Variants in FOCAD observed in about 807,000 individuals in gnomAD.
FOCAD encodes the protein focadhesin, also known as KIAA1797.
Under a neutral mutation model 225.6 loss-of-function variants are expected in FOCAD, and 198 were observed. The ratio of observed to expected loss-of-function variants is 0.88; its 90% CI spans 0.78 to 0.99. The LOEUF is 0.99. Among genes scored for constraint, FOCAD ranks in the 50% least tolerant of loss-of-function variants. The pLI, the probability that FOCAD is intolerant of heterozygous loss-of-function variation, is 0.00. For missense variants in FOCAD, 2,713 were observed against 2,123.6 expected, an observed-to-expected ratio of 1.28 and a Z score of -5.46; for synonymous variants, 897 against 755.0, an observed-to-expected ratio of 1.19 and a Z score of -3.08.
chr9:20,692,606 C>A (rs776085183), intron 1 of FOCAD, among the ~76,000 whole-genome samples: 6 of 152,192 alleles, frequency 3.9e-5, no homozygotes, highest in Non-Finnish European at 7.3e-5. Flanking sequence ...CGTGCTCACT[C>A]ATGTAGTGAT....
intron 1 of FOCAD, among the ~76,000 whole-genome samples, chr9:20,689,275 T>C (rs1010821740): frequency 6.6e-6 from 1 of 151,952 alleles, no homozygotes; most frequent in African/African-American, 2.4e-5. Context: ...TCAGGAACAA[T>C]GAGACTGGTG....
chr9:20,719,020 C>G (rs1825565934), intron 3 of FOCAD, among the ~76,000 whole-genome samples: 1 of 151,986 alleles, frequency 6.6e-6, no homozygotes, highest in Admixed American at 6.6e-5. Flanking sequence ...TAGTGGGATG[C>G]TAAGATAGAA....
intron 35 of FOCAD, among the ~76,000 whole-genome samples, chr9:20,953,296 G>T (rs2132394565): frequency 6.6e-6 from 1 of 152,296 alleles, no homozygotes; most frequent in African/African-American, 2.4e-5. Flanking sequence ...CCGACCATGG[G>T]TGGCTCTGTG....
intron 11 of FOCAD, among the ~76,000 whole-genome samples, chr9:20,812,143 A>T (rs964277210): frequency 6.6e-6 from 1 of 152,094 alleles, no homozygotes; most frequent in African/African-American, 2.4e-5. Context: ...CTAGTTTTAT[A>T]AAACATGACT....
chr9:20,949,756 G>A (rs1587700075), intron 33 of FOCAD, 81 bp downstream of exon 33: 1 of 1,180,770 alleles, frequency 8.5e-7, no homozygotes, highest in East Asian at 2.3e-5. Flanking sequence ...GATACAACAT[G>A]TTTTACCTGG....
intron 11 of FOCAD, among the ~76,000 whole-genome samples, chr9:20,795,864 G>T (rs546066260): frequency 6.7e-6 from 1 of 150,182 alleles, no homozygotes; most frequent in Non-Finnish European, 1.5e-5. Context: ...TTAAGTTTTA[G>T]GGTTCATGTG....
intron 15 of FOCAD, among the ~76,000 whole-genome samples, chr9:20,846,324 C>T (rs1269975743): frequency 3.3e-5 from 5 of 152,070 alleles, no homozygotes; most frequent in South Asian, 2.1e-4. Flanking sequence ...AGGGAACTTC[C>T]GAATGTCCTT....
intron 5 of FOCAD, among the ~76,000 whole-genome samples, chr9:20,741,889 T>G (rs1827649772): frequency 6.6e-6 from 1 of 152,152 alleles, no homozygotes; most frequent in Non-Finnish European, 1.5e-5. Context: ...TAGTTGTTGT[T>G]AAGATGGGCT....
rs565901574 is a variant in FOCAD, at chr9:20,942,045, A to G, written c.3408-2582A>G. ...TTTTAGGACTACATTATTGGTGCATACTGGAAAATTGAGATGAATGAGAGG... is the reference window on the plus strand; with the variant it reads ...TTTTAGGACTACATTATTGGTGCATGCTGGAAAATTGAGATGAATGAGAGG... On this transcript the variant is annotated intron_variant, in intron 28 of 43. Transcript: ENST00000338382. 2.6e-5 allele frequency among the ~76,000 whole-genome samples: 4 copies of G among 152,324 alleles called. No homozygotes were observed. In the South Asian group the frequency reaches 8.3e-4, roughly 32 times the overall value.
chr9:20,953,994 G>A (rs1454978449), intron 35 of FOCAD, among the ~76,000 whole-genome samples: 2 of 152,184 alleles, frequency 1.3e-5, no homozygotes, highest in East Asian at 3.8e-4. Context: ...TGTGTTGTCT[G>A]ATTTCCCACT....
chr9:20,820,859 G>A, intron 13 of FOCAD, 82 bp from the exon 14 acceptor site: 1 of 1,462,780 alleles, frequency 6.8e-7, no homozygotes, highest in South Asian at 1.2e-5. Flanking sequence ...GGATTTGGAG[G>A]TGAAAATGCT....
At chr9:20,933,371 C>T (rs1835667640) in intron 28 of FOCAD, among the ~76,000 whole-genome samples, 1 of 152,090 alleles carries the variant, frequency 6.6e-6, no homozygotes, top group Admixed American at 6.6e-5. Flanking sequence ...CCCTGAATCC[C>T]CAAAGTCCAG....
At chr9:20,749,112 C>T (rs909165147) in intron 5 of FOCAD, among the ~76,000 whole-genome samples, 1 of 152,058 alleles carries the variant, frequency 6.6e-6, no homozygotes, top group African/African-American at 2.4e-5. Flanking sequence ...CAACCAATTA[C>T]TTTGTACTTA....
chr9:20,909,678 G>A (rs766958695), intron 22 of FOCAD, among the ~76,000 whole-genome samples: 14 of 152,110 alleles, frequency 9.2e-5, no homozygotes, highest in Non-Finnish European at 2.1e-4. Context: ...AAGATTTGCA[G>A]TATTATTTAA....
intron 10 of FOCAD, among the ~76,000 whole-genome samples, chr9:20,785,870 C>T (rs1365775769): frequency 6.6e-6 from 1 of 152,160 alleles, no homozygotes; most frequent in Non-Finnish European, 1.5e-5. Flanking sequence ...TATATTCCCA[C>T]CAGCAGTGTA....
intron 21 of FOCAD, among the ~76,000 whole-genome samples, chr9:20,901,956 A>T (rs1832600183): frequency 6.6e-6 from 1 of 151,988 alleles, no homozygotes; most frequent in African/African-American, 2.4e-5. Context: ...ATTTAAAAAA[A>T]GTTTTAAATT....
In FOCAD at chr9:20,751,670, C is replaced by T. The variant is rs1828560834; in HGVS notation, c.393-6420C>T. ...TGATTTATAGTCCTTTGGGTATATA[C>T]CCAGTAATGGGATGACTGGGTCAAA... On this transcript the variant is annotated intron_variant, in intron 5 of 43. Coordinates refer to ENST00000338382, the MANE Select transcript of FOCAD (RefSeq NM_001375567.1). 3.4e-5 allele frequency among the ~76,000 whole-genome samples: 5 copies of T among 147,878 alleles called. No homozygotes were observed. The South Asian group carries it at 8.8e-4, about 26-fold the overall frequency.
chr9:20,915,716 G>T (rs1166351154), intron 23 of FOCAD, among the ~76,000 whole-genome samples: 2 of 152,058 alleles, frequency 1.3e-5, no homozygotes, highest in African/African-American at 4.8e-5. Flanking sequence ...TCTTTTAGAG[G>T]GTAGATACTA....
Position 20,717,747 on chromosome 9 carries a change from A to G in FOCAD, c.58-47A>G, listed in dbSNP as rs771007634. 6 of 1,461,444 alleles carry G rather than the reference A, an allele frequency of 4.1e-6. No individual in the cohort carries two copies. The South Asian group carries it at 4.7e-5, about 11-fold the overall frequency. The allele number at this position is 1,461,444 out of a possible 1,614,324, so 90.5% of individuals were successfully genotyped here. A position where few individuals can be genotyped will look rare whatever the true frequency, so the allele number is the denominator to read the frequency against. ...CATATCAACTAGTATTGATATTTGG[A>G]AAGAACTTCTAAGGGACTGTGTTCA... is the stretch of plus-strand genomic sequence containing the variant. On this transcript the variant is annotated intron_variant, in intron 2 of 43. Transcript: ENST00000338382.
Sources: gnomAD v4.1 joint callset for allele counts (sites outside exome capture counted in the v4.1 genomes callset) on GRCh38, gnomAD v4.1.1 for gene constraint, MANE v1.5 for transcripts, NCBI Gene and HGNC (gene_info 2026-07-23, HGNC 2026-07-21) for gene names.